FAM168A: variants seen among roughly 807,000 people sequenced by gnomAD.
FAM168A encodes the protein protein FAM168A.
Under a neutral mutation model 28.5 loss-of-function variants are expected in FAM168A, and 3 were observed. The observed-to-expected ratio is 0.11, with a 90% CI of 0.05 to 0.27. The LOEUF (loss-of-function observed/expected upper bound fraction) is 0.27. Ranked by LOEUF, FAM168A falls within the 10% of genes least tolerant of loss-of-function variation. The probability of loss-of-function intolerance (pLI) is 1.00; values close to 1 mark genes in which losing one functional copy is unlikely to be tolerated. For synonymous variants in FAM168A, 122 were observed against 124.2 expected, an observed-to-expected ratio of 0.98 and a Z score of 0.12; for missense variants, 222 against 311.5, an observed-to-expected ratio of 0.71 and a Z score of 2.16.
intron 1 of FAM168A, among the ~76,000 whole-genome samples, chr11:73,527,600 G>A (rs724111): frequency 0.078 from 11,809 of 152,028 alleles, 552 homozygotes; most frequent in Non-Finnish European, 0.1. Flanking sequence ...GCAAAACCAT[G>A]GATTGCTATT....
chr11:73,555,633 G>T (rs557417377), intron 1 of FAM168A, among the ~76,000 whole-genome samples: 30 of 151,568 alleles, frequency 2.0e-4, no homozygotes, highest in African/African-American at 7.3e-4. Context: ...GCTTGAACCC[G>T]GGAGGCAGCG....
chr11:73,430,522 G>A (rs1866969308), intron 3 of FAM168A, 168 bp downstream of exon 3: 2 of 637,904 alleles, frequency 3.1e-6, no homozygotes, highest in Non-Finnish European at 5.7e-6. Context: ...CCCCTACCCT[G>A]AGGCTGATTG....
intron 1 of FAM168A, among the ~76,000 whole-genome samples, chr11:73,574,198 C>T (rs1377316343): frequency 6.6e-6 from 1 of 152,182 alleles, no homozygotes; most frequent in Non-Finnish European, 1.5e-5. Context: ...ACTATCTTGG[C>T]TGGCATTTTT....
At chr11:73,570,522 A>G (rs575791520) in intron 1 of FAM168A, among the ~76,000 whole-genome samples, 1 of 152,276 alleles carries the variant, frequency 6.6e-6, no homozygotes, top group South Asian at 2.1e-4. Flanking sequence ...CTGATGGATC[A>G]CTTGAGCTCA....
intron 1 of FAM168A, among the ~76,000 whole-genome samples, chr11:73,522,407 G>A (rs1943393722): frequency 6.6e-6 from 1 of 151,982 alleles, no homozygotes; most frequent in African/African-American, 2.4e-5. Context: ...CCAAGCTCCG[G>A]CTCACTGCAA....
chr11:73,545,726 G>GT (rs1202009788), intron 1 of FAM168A, among the ~76,000 whole-genome samples: 1 of 105,888 alleles, frequency 9.4e-6, no homozygotes, highest in African/African-American at 3.8e-5. Flanking sequence ...GTCTTGCTCT[G>GT]TCACCCAGGC....
At chr11:73,466,400 C>T (rs902388412) in intron 2 of FAM168A, among the ~76,000 whole-genome samples, 2 of 152,178 alleles carry the variant, frequency 1.3e-5, no homozygotes, top group Admixed American at 6.6e-5. Context: ...ATTTTCTCAT[C>T]CCTTAGAAGC....
chr11:73,520,131 T>C (rs1943357333), intron 1 of FAM168A, among the ~76,000 whole-genome samples: 1 of 152,024 alleles, frequency 6.6e-6, no homozygotes, highest in African/African-American at 2.4e-5. Context: ...CTGCAACCTC[T>C]GCCTCCCTGG....
At chr11:73,436,318 C>T (rs1188297371) in intron 2 of FAM168A, among the ~76,000 whole-genome samples, 1 of 152,126 alleles carries the variant, frequency 6.6e-6, no homozygotes, top group Non-Finnish European at 1.5e-5. Flanking sequence ...TCTGAAAATA[C>T]TTTACCTTTA....
rs367614923 is a variant in FAM168A, at chr11:73,417,494, C to G, written c.277+2380G>C. Among the ~76,000 whole-genome samples the G allele has an allele frequency of 5.9e-5, 9 of 151,446 alleles. No homozygotes were observed. The East Asian group carries it at 1.7e-3, about 29-fold the overall frequency. On this transcript the variant is annotated intron_variant, in intron 4 of 7. Transcript: ENST00000356467. ...CTATTTTTATATATATATAATCTTA[C>G]GTATGTTCATTCATTCTACCTGAGG...
intron 2 of FAM168A, among the ~76,000 whole-genome samples, chr11:73,451,838 A>G (rs1867436411): frequency 6.6e-6 from 1 of 152,256 alleles, no homozygotes; most frequent in Non-Finnish European, 1.5e-5. Flanking sequence ...CCCCTTGTTA[A>G]ATAGTCCATG....
intron 1 of FAM168A, among the ~76,000 whole-genome samples, chr11:73,512,192 C>T (rs1215052446): frequency 6.6e-6 from 1 of 152,096 alleles, no homozygotes; most frequent in African/African-American, 2.4e-5. Context: ...TAACAACAAA[C>T]ACATATAATT....
chr11:73,446,727 C>T (rs1867322280), intron 2 of FAM168A, among the ~76,000 whole-genome samples: 1 of 152,226 alleles, frequency 6.6e-6, no homozygotes, highest in Admixed American at 6.5e-5. Context: ...ATGTCTCAAA[C>T]ATGTCCCCAC....
chr11:73,484,870 G>C (rs1233800184), intron 1 of FAM168A, among the ~76,000 whole-genome samples: 1 of 151,844 alleles, frequency 6.6e-6, no homozygotes, highest in East Asian at 1.9e-4. Flanking sequence ...CCTGGAGTCC[G>C]ATGTTCAAGG....
At chr11:73,593,338 CAT>C (rs1362725491) in intron 1 of FAM168A, among the ~76,000 whole-genome samples, 2 of 152,086 alleles carry the variant, frequency 1.3e-5, no homozygotes, top group Admixed American at 6.5e-5. Flanking sequence ...TACTTTTATA[CAT>C]ATGACATATT....
intron 1 of FAM168A, among the ~76,000 whole-genome samples, chr11:73,497,989 G>A (rs1211214892): frequency 6.6e-6 from 1 of 151,688 alleles, no homozygotes; most frequent in African/African-American, 2.4e-5. Flanking sequence ...AATGTTTATT[G>A]CTTACTACAT....
At chr11:73,508,801 G>C (rs1164687640) in intron 1 of FAM168A, among the ~76,000 whole-genome samples, 4 of 152,172 alleles carry the variant, frequency 2.6e-5, no homozygotes, top group Non-Finnish European at 5.9e-5. Context: ...AAAAGGGTAA[G>C]ACAGAAGAAA....
At chr11:73,588,520 G>A (rs1248877104) in intron 1 of FAM168A, among the ~76,000 whole-genome samples, 15 of 151,986 alleles carry the variant, frequency 9.9e-5, no homozygotes, top group Non-Finnish European at 2.1e-4. Flanking sequence ...GTGAAATCCC[G>A]TCTCTATGAA....
At chr11:73,491,576 C>T (rs1868128325) in intron 1 of FAM168A, among the ~76,000 whole-genome samples, 1 of 152,184 alleles carries the variant, frequency 6.6e-6, no homozygotes, top group Admixed American at 6.5e-5. Flanking sequence ...AAGGAGGATG[C>T]ATAGTTTCTA....
Sources: gnomAD v4.1 joint callset for allele counts (sites outside exome capture counted in the v4.1 genomes callset) on GRCh38, gnomAD v4.1.1 for gene constraint, MANE v1.5 for transcripts, NCBI Gene and HGNC (gene_info 2026-07-23, HGNC 2026-07-21) for gene names.